The following ASB13 variants were observed in gnomAD, a reference collection of about 807,000 sequenced individuals.
The protein encoded by ASB13 is ankyrin repeat and SOCS box containing 13.
ASB13 carries 33 observed loss-of-function variants against 28.8 expected under a neutral mutation model. The ratio of observed to expected loss-of-function variants is 1.15; its 90% CI spans 0.87 to 1.53. ASB13 has a LOEUF of 1.53. Among genes scored for constraint, ASB13 ranks in the 40% most tolerant of loss-of-function variants. The probability of loss-of-function intolerance (pLI) is 0.00; values close to 1 mark genes in which losing one functional copy is unlikely to be tolerated. For missense variants in ASB13, 414 were observed against 390.1 expected (o/e 1.06, Z -0.52); for synonymous variants, 182 against 172.9 (o/e 1.05, Z -0.41).
At position 5,658,938 on chromosome 10, in the gene ASB13, A is replaced by G. The variant is rs964029377; in HGVS notation, c.44-5888T>C. ...GCCCTTCCAGGGGGCGAAGAGACCC[A>G]CTCTCTTCATAAACATCAGCCCCCA... On this transcript the variant is annotated intron_variant, in intron 1 of 5. Coordinates refer to ENST00000357700, the MANE Select transcript of ASB13 (RefSeq NM_024701.4). The surrounding 1 kb of genome is among the most constrained non-coding windows in gnomAD (Gnocchi z 4.2). 6.6e-6 allele frequency among the ~76,000 whole-genome samples: 1 copy of G among 152,034 alleles called. No homozygotes were observed. The highest frequency in any genetic ancestry group is 1.5e-5 in the Non-Finnish European group (1 of 67,986).
At chr10:5,657,130 G>A (rs1835086636) in intron 1 of ASB13, among the ~76,000 whole-genome samples, 1 of 152,122 alleles carries the variant, frequency 6.6e-6, no homozygotes, top group Non-Finnish European at 1.5e-5. Flanking sequence ...AATCACATCA[G>A]CTGCTGTAGT....
At chr10:5,662,565 G>GGAGAAGAGAAGAGAAGAGAAGAGAA (rs1191915063) in intron 1 of ASB13, among the ~76,000 whole-genome samples, 161 of 14,582 alleles carry the variant, frequency 0.011, 13 homozygotes, top group Middle Eastern at 0.033. Flanking sequence ...GGAGGGGAGG[G>GGAGAAGAGAAGAGAAGAGAAGAGAA]GAGAAGAGAA....
At position 5,644,728 on chromosome 10, in the gene ASB13, G is replaced by C. The variant is rs577651723; in HGVS notation, c.518-2767C>G. Among the ~76,000 whole-genome samples the C allele has an allele frequency of 2.0e-5, 3 of 152,106 alleles. No homozygotes were observed. Among genetic ancestry groups the C allele is most frequent in the Non-Finnish European group, 4.4e-5 (3 of 68,008 alleles). On this transcript the variant is annotated intron_variant, in intron 4 of 5. Transcript: ENST00000357700. This position sits in a 1 kb window ranked among gnomAD's most constrained non-coding sequence, Gnocchi z 5.1. ...AGCTACTCAGGAGGCTCAGGCATGA[G>C]AATCGCTTGAACCAGGGAGATGGAG...
In ASB13 at chr10:5,660,126, C is replaced by T. The variant is rs1219257229; in HGVS notation, c.43+6383G>A. ...GCTCCTCCTGTTTACCTGCCGCCTGCAGGCCTGAGCTCATGAATAGCCAAG... is the reference window on the plus strand; with the variant it reads ...GCTCCTCCTGTTTACCTGCCGCCTGTAGGCCTGAGCTCATGAATAGCCAAG... On this transcript the variant is annotated intron_variant, in intron 1 of 5. Coordinates refer to ENST00000357700, the MANE Select transcript of ASB13 (RefSeq NM_024701.4). This position sits in a 1 kb window ranked among gnomAD's most constrained non-coding sequence, Gnocchi z 6.1. Among the ~76,000 whole-genome samples the T allele has an allele frequency of 6.6e-6, 1 of 152,208 alleles. No individual in the cohort carries two copies. The highest frequency in any genetic ancestry group is 1.5e-5 in the Non-Finnish European group (1 of 68,032).
At position 5,655,506 on chromosome 10, in the gene ASB13, A is replaced by C. The variant is rs1276911810; in HGVS notation, c.44-2456T>G. ...AGTATTTTTGCCTCCAATTGTAGCT[A>C]TCTGTCTTGTCCACAGCCAAAGAGC... On this transcript the variant is annotated intron_variant, in intron 1 of 5. Transcript: ENST00000357700. The surrounding 1 kb of genome is among the most constrained non-coding windows in gnomAD (Gnocchi z 6.2). 6.6e-6 allele frequency among the ~76,000 whole-genome samples: 1 copy of C among 152,196 alleles called. No homozygotes were observed. Among genetic ancestry groups the C allele is most frequent in the Non-Finnish European group, 1.5e-5 (1 of 68,040 alleles).
In ASB13 at chr10:5,642,589, T is replaced by A. The variant is rs184195461; in HGVS notation, c.518-628A>T. The A allele has an allele frequency of 9.7e-4, 1,041 of 1,077,078 alleles. 1 individual carries two copies. The highest frequency in any genetic ancestry group is 5.5e-3 in the African/African-American group (328 of 59,330). 66.7% of individuals were successfully genotyped at this position (1,077,078 alleles called of 1,614,324 possible). ...GTAAAGGTAAAAAAAAATTTTTTTT[T>A]AAAAAAAAGAGCAGACATTCAGAAA... On this transcript the variant is annotated intron_variant, in intron 4 of 5. Coordinates refer to ENST00000357700, the MANE Select transcript of ASB13 (RefSeq NM_024701.4). This position sits in a 1 kb window ranked among gnomAD's most constrained non-coding sequence, Gnocchi z 4.1.
At chr10:5,662,573 GAAGAGAAGAGAAGAGAAGAGAA>G (rs1564222927) in intron 1 of ASB13, among the ~76,000 whole-genome samples, 8 of 86,168 alleles carry the variant, frequency 9.3e-5, no homozygotes, top group South Asian at 4.1e-4. Flanking sequence ...GGGGAGAAGA[GAAGAGAAGAGAAGAGAAGAGAA>G]GAGAAGAGAA....
At chr10:5,643,453 A>T (rs533527757) in intron 4 of ASB13, among the ~76,000 whole-genome samples, 3 of 152,388 alleles carry the variant, frequency 2.0e-5, no homozygotes, top group Admixed American at 2.0e-4. Context: ...ACATAATTTA[A>T]GAAAGTTCTT....
At position 5,641,262 on chromosome 10, in the gene ASB13, C is replaced by T. The variant is rs1426303343; in HGVS notation, c.710-432G>A. On this transcript the variant is annotated intron_variant, in intron 5 of 5. Coordinates refer to ENST00000357700, the MANE Select transcript of ASB13 (RefSeq NM_024701.4). The surrounding 1 kb of genome is among the most constrained non-coding windows in gnomAD (Gnocchi z 8.4). ...GATTACAGGCACCCACCACCATGCC[C>T]GCCTAATTTTTATATTTTTAGTAGA... Among the ~76,000 whole-genome samples, 1 of 152,010 alleles carries T rather than the reference C, an allele frequency of 6.6e-6. No homozygotes were observed. Among genetic ancestry groups the T allele is most frequent in the Non-Finnish European group, 1.5e-5 (1 of 68,018 alleles).
In ASB13 at chr10:5,642,022, A is replaced by G; in HGVS notation, c.518-61T>C. On this transcript the variant is annotated intron_variant, in intron 4 of 5. Transcript: ENST00000357700. This position sits in a 1 kb window ranked among gnomAD's most constrained non-coding sequence, Gnocchi z 4.1. Reference sequence around the variant, plus strand: ...AAGAGAACTTGAAGTCAGGGGGACAATCAGGTCCGTTTCGTCACACAGCAC... The same window carrying G: ...AAGAGAACTTGAAGTCAGGGGGACAGTCAGGTCCGTTTCGTCACACAGCAC... The G allele has an allele frequency of 6.5e-7, 1 of 1,533,772 alleles. No individual in the cohort carries two copies. The highest frequency in any genetic ancestry group is 1.2e-5 in the South Asian group (1 of 84,132).
In ASB13 at chr10:5,640,709, G is replaced by A. The variant is rs372541139; in HGVS notation, c.831C>T (p.Tyr277=). 1.9e-6 allele frequency: 3 copies of A among 1,614,062 alleles called. No homozygotes were observed. The highest frequency in any genetic ancestry group is 1.3e-5 in the African/African-American group (1 of 74,934). ...TCCGGACCCCACCTGCAATTCAGTTGTAGGAGAGGTAATCAATGAGCCGGG... is the reference window on the plus strand; with the variant it reads ...TCCGGACCCCACCTGCAATTCAGTTATAGGAGAGGTAATCAATGAGCCGGG... ...IPPRLIDYLS[Y]N is the part of the protein sequence containing the mutation. The change falls in exon 6 of 6, where the codon TAC becomes TAT. Residue 277 remains tyrosine (Y), a synonymous_variant. Coordinates refer to ENST00000357700, the MANE Select transcript of ASB13 (RefSeq NM_024701.4).
In ASB13 at chr10:5,639,108, G is replaced by A. The variant is rs1003957932; in HGVS notation, c.*1595C>T. On this transcript the variant is annotated 3_prime_UTR_variant, in exon 6 of 6. Transcript: ENST00000357700. ...AATGCTTTTCTTCTCAGTTTAGGAC[G>A]AAGACCCGCCATGACAATGGCGGGA... The A allele has an allele frequency of 3.3e-5, 5 of 152,604 alleles. No homozygotes were observed. Among genetic ancestry groups the A allele is most frequent in the South Asian group, 2.1e-4 (1 of 4,820 alleles). The allele number at this position is 152,604 out of a possible 1,614,324, so 9.5% of individuals were successfully genotyped here.
intron 4 of ASB13, among the ~76,000 whole-genome samples, chr10:5,646,927 T>A (rs1834894333): frequency 6.6e-6 from 1 of 152,210 alleles, no homozygotes; most frequent in South Asian, 2.1e-4. Flanking sequence ...CTGCTTCCAA[T>A]GGAGATACTT....
rs573417867 is a variant in ASB13, at chr10:5,659,370, A to G, written c.44-6320T>C. Among the ~76,000 whole-genome samples, 3 of 152,226 alleles carry G rather than the reference A, an allele frequency of 2.0e-5. No individual in the cohort carries two copies. Among genetic ancestry groups the G allele is most frequent in the African/African-American group, 7.2e-5 (3 of 41,528 alleles). ...AGCCAGTCTGACAGGGCCTGCTCAC[A>G]AGGGCTCCCTCCTCCAGGGTGGAAC... On this transcript the variant is annotated intron_variant, in intron 1 of 5. Coordinates refer to ENST00000357700, the MANE Select transcript of ASB13 (RefSeq NM_024701.4). The surrounding 1 kb of genome is among the most constrained non-coding windows in gnomAD (Gnocchi z 5.8).
rs1257126617 is a variant in ASB13, at chr10:5,642,784, T to C, written c.518-823A>G. Reference sequence around the variant, plus strand: ...GCCTCAGCCTCCCGAGTTGCTGGGATGACAGGTGTGCCACCATGCCCGGCT... The same window carrying C: ...GCCTCAGCCTCCCGAGTTGCTGGGACGACAGGTGTGCCACCATGCCCGGCT... On this transcript the variant is annotated intron_variant, in intron 4 of 5. Transcript: ENST00000357700. The surrounding 1 kb of genome is among the most constrained non-coding windows in gnomAD (Gnocchi z 4.1). 1.3e-5 allele frequency among the ~76,000 whole-genome samples: 2 copies of C among 152,158 alleles called. No individual in the cohort carries two copies. Among genetic ancestry groups the C allele is most frequent in the African/African-American group, 2.4e-5 (1 of 41,530 alleles).
chr10:5,644,205 T>C lies in ASB13; in HGVS notation c.518-2244A>G, dbSNP rs1834849103. ...CGATCAGCTATGTTCATTAAAAATA[T>C]ATGCTTGGGCCAGGTACAGGGCTCA... On this transcript the variant is annotated intron_variant, in intron 4 of 5. Coordinates refer to ENST00000357700, the MANE Select transcript of ASB13 (RefSeq NM_024701.4). This position sits in a 1 kb window ranked among gnomAD's most constrained non-coding sequence, Gnocchi z 5.1. 6.6e-6 allele frequency among the ~76,000 whole-genome samples: 1 copy of C among 152,194 alleles called. No homozygotes were observed. Among genetic ancestry groups the C allele is most frequent in the Non-Finnish European group, 1.5e-5 (1 of 68,036 alleles).
In ASB13 at chr10:5,649,869, T is replaced by C. The variant is rs1401958360; in HGVS notation, c.383-765A>G. On this transcript the variant is annotated intron_variant, in intron 3 of 5. Transcript: ENST00000357700. The surrounding 1 kb of genome is among the most constrained non-coding windows in gnomAD (Gnocchi z 6.4). ...GTGGCTCCTCTTCCTGGGTCTGTAATGCGGATTTGGAGCGGGGTTCCAGGC... is the reference window on the plus strand; with the variant it reads ...GTGGCTCCTCTTCCTGGGTCTGTAACGCGGATTTGGAGCGGGGTTCCAGGC... Among the ~76,000 whole-genome samples the C allele has an allele frequency of 1.3e-5, 2 of 152,148 alleles. No individual in the cohort carries two copies. Among genetic ancestry groups the C allele is most frequent in the African/African-American group, 4.8e-5 (2 of 41,436 alleles).
rs757568699 is a variant in ASB13 at position 5,641,987 on chromosome 10, T to A, written c.518-26A>T. ...CTGGAGGTCAAGAGTGCAGAAGAGATTTCACCAAGAAGAGAACTTGAAGTC... is the reference window on the plus strand; with the variant it reads ...CTGGAGGTCAAGAGTGCAGAAGAGAATTCACCAAGAAGAGAACTTGAAGTC... On this transcript the variant is annotated intron_variant, in intron 4 of 5. Coordinates refer to ENST00000357700, the MANE Select transcript of ASB13 (RefSeq NM_024701.4). The surrounding 1 kb of genome is among the most constrained non-coding windows in gnomAD (Gnocchi z 8.4). 1.9e-6 allele frequency: 3 copies of A among 1,584,952 alleles called. No homozygotes were observed. The highest frequency in any genetic ancestry group is 1.3e-5 in the African/African-American group (1 of 74,364).
chr10:5,661,245 G>C lies in ASB13; in HGVS notation c.43+5264C>G, dbSNP rs985310570. On this transcript the variant is annotated intron_variant, in intron 1 of 5. Transcript: ENST00000357700. The surrounding 1 kb of genome is among the most constrained non-coding windows in gnomAD (Gnocchi z 4.9). ...CAGAGCCCATCCTCCACACTGCCCT[G>C]CCTGCACCCACACTGGCGGGCCTCA... is the stretch of plus-strand genomic sequence containing the variant. Among the ~76,000 whole-genome samples the C allele has an allele frequency of 6.6e-6, 1 of 152,118 alleles. No homozygotes were observed. The highest frequency in any genetic ancestry group is 1.5e-5 in the Non-Finnish European group (1 of 68,024).
Sources: allele counts gnomAD v4.1 joint callset (sites outside exome capture counted in the v4.1 genomes callset), GRCh38; gene constraint gnomAD v4.1.1; non-coding constraint Gnocchi (gnomAD v3.1); transcripts MANE v1.5; gene names NCBI Gene and HGNC (gene_info 2026-07-23, HGNC 2026-07-21).